EBI3: variants seen among roughly 807,000 people sequenced by gnomAD.
The protein encoded by EBI3 is Epstein-Barr virus induced 3, also known as interleukin-27 subunit beta.
In EBI3, 19 loss-of-function variants were observed where a neutral mutation model predicts 21.3. The observed-to-expected ratio is 0.89, with a 90% CI of 0.62 to 1.31. The LOEUF (loss-of-function observed/expected upper bound fraction) is 1.31, where lower values mean the gene tolerates loss of function less well. Ranked by LOEUF, EBI3 falls within the 50% of genes most tolerant of loss-of-function variation. The pLI is 0.00. For missense variants in EBI3, 331 were observed against 314.0 expected, an observed-to-expected ratio of 1.05 and a Z score of -0.41; for synonymous variants, 154 against 131.2, an observed-to-expected ratio of 1.17 and a Z score of -1.19.
chr19:4,233,432 CCTT>C, intron 3 of EBI3, 125 bp downstream of exon 3: 1 of 1,078,956 alleles, frequency 9.3e-7, no homozygotes, highest in Non-Finnish European at 1.3e-6. Context: ...AAATCTGACC[CCTT>C]CTTCCCCCTC....
rs536332715 is a variant in EBI3, at chr19:4,229,597, C to T, written c.47C>T (p.Pro16Leu). 1.1e-5 allele frequency: 17 copies of T among 1,609,732 alleles called. No homozygotes were observed. The highest frequency in any genetic ancestry group is 6.7e-5 in the East Asian group (3 of 44,790). Residue 16 changes from proline (P) to leucine (L), a missense_variant, in exon 1 of 5, where the codon CCG (proline) becomes CTG (leucine). By Grantham distance (98) the Pro-to-Leu change is moderately conservative (BLOSUM62 -3). Transcript: ENST00000221847. The stretch of plus-strand genomic sequence containing the variant: ...GCCCTTGTCCTCTGGGCCAGCTGCC[C>T]GCCCTGCAGTGGAAGGAAAGGTATG... ...LLALVLWASCPPCSGRKGPPA... is the reference protein window; with the variant it reads ...LLALVLWASCLPCSGRKGPPA...
chr19:4,236,380 G>C (rs1444322741), intron 4 of EBI3, among the ~76,000 whole-genome samples: 1 of 151,836 alleles, frequency 6.6e-6, no homozygotes, highest in Non-Finnish European at 1.5e-5. Flanking sequence ...AAATTAGCCA[G>C]GCATGGTGGC....
In EBI3 at chr19:4,234,779, G is replaced by C. The variant is rs1970821862; in HGVS notation, c.492G>C (p.Lys164Asn). The C allele has an allele frequency of 2.5e-6, 4 of 1,614,166 alleles. No homozygotes were observed. Among genetic ancestry groups the C allele is most frequent in the Non-Finnish European group, 3.4e-6 (4 of 1,180,026 alleles). The change falls in exon 4 of 5, where the codon AAG (lysine) becomes AAC (asparagine). Residue 164 changes from lysine (K) to asparagine (N), a missense_variant. Lys to Asn is a moderately conservative substitution (Grantham distance 94, BLOSUM62 0). Coordinates refer to ENST00000221847, the MANE Select transcript of EBI3 (RefSeq NM_005755.3). ...CCTTCCCAGAGATCTTCTCACTGAAGTACTGGATCCGTTACAAGCGTCAGG... is the reference window on the plus strand; with the variant it reads ...CCTTCCCAGAGATCTTCTCACTGAACTACTGGATCCGTTACAAGCGTCAGG... ...SWPFPEIFSL[K>N]YWIRYKRQGA... is the part of the protein sequence containing the mutation.
intron 1 of EBI3, 45 bp downstream of exon 1, chr19:4,229,662 A>G: frequency 6.4e-7 from 1 of 1,562,036 alleles, no homozygotes; most frequent in Admixed American, 1.9e-5. Context: ...GCAGACGGAC[A>G]TGACACGAGG....
chr19:4,232,731 T>C (rs1970797028), intron 2 of EBI3, among the ~76,000 whole-genome samples: 1 of 128,152 alleles, frequency 7.8e-6, no homozygotes. Flanking sequence ...CATGAATGAA[T>C]GAATGAATGA....
intron 4 of EBI3, among the ~76,000 whole-genome samples, chr19:4,235,965 A>C (rs1263201656): frequency 6.6e-6 from 1 of 151,954 alleles, no homozygotes; most frequent in Non-Finnish European, 1.5e-5. Flanking sequence ...AAGCACGGTT[A>C]GGCTAGGTGC....
At position 4,236,989 on chromosome 19, in the gene EBI3, C is replaced by T. The variant is rs767574010; in HGVS notation, c.591C>T (p.Ala197=). The change falls in exon 5 of 5, where the codon GCC becomes GCT. Residue 197 remains alanine, a synonymous_variant. Transcript: ENST00000221847. ...TCCTCAGGGCTGTGCGGCCCCGAGC[C>T]AGGTACTACGTCCAAGTGGCGGCTC... ...SFILRAVRPR[A]RYYVQVAAQD... The T allele has an allele frequency of 1.5e-5, 23 of 1,579,356 alleles. 1 individual carries two copies. The South Asian group carries it at 2.4e-4, about 16-fold the overall frequency.
chr19:4,235,395 C>T (rs1970829056), intron 4 of EBI3, among the ~76,000 whole-genome samples: 1 of 150,486 alleles, frequency 6.6e-6, no homozygotes, highest in South Asian at 2.1e-4. Context: ...TCTTGGCTCG[C>T]TGAAACCTCC....
Position 4,233,221 on chromosome 19 carries a change from C to T in EBI3, c.293C>T (p.Ser98Phe), listed in dbSNP as rs1245019910. ...ACCATCACGGATGTCCAGCTGTTCT[C>T]CATGGCTCCCTACGTGCTCAATGTC... ...SCTITDVQLF[S>F]MAPYVLNVTA... The change falls in exon 3 of 5, where the codon TCC becomes TTC. Residue 98 changes from serine to phenylalanine, a missense_variant. Transcript: ENST00000221847. 6.2e-7 allele frequency: 1 copy of T among 1,613,092 alleles called. No homozygotes were observed. The highest frequency in any genetic ancestry group is 1.3e-5 in the African/African-American group (1 of 74,912).
chr19:4,233,374 C>A (rs1027111344), intron 3 of EBI3, 67 bp downstream of exon 3: 8 of 1,492,742 alleles, frequency 5.4e-6, no homozygotes, highest in Non-Finnish European at 7.1e-6. Context: ...CCCACCCCAC[C>A]TCCCACCTGT....
intron 2 of EBI3, 72 bp downstream of exon 2, chr19:4,231,395 C>A (rs1312347458): frequency 6.8e-7 from 1 of 1,481,312 alleles, no homozygotes; most frequent in Non-Finnish European, 8.9e-7. Flanking sequence ...GCCCTGAGAG[C>A]CCTGGGGTCA....
intron 3 of EBI3, 39 bp downstream of exon 3, chr19:4,233,346 C>T (rs747778211): frequency 3.3e-6 from 5 of 1,534,572 alleles, no homozygotes; most frequent in Admixed American, 1.9e-5. Context: ...GCGGGGCTGC[C>T]GTCTCCTTCC....
intron 1 of EBI3, among the ~76,000 whole-genome samples, chr19:4,230,451 A>T (rs900785084): frequency 1.3e-5 from 2 of 152,100 alleles, no homozygotes; most frequent in African/African-American, 4.8e-5. Context: ...ACGTGCCTGT[A>T]GTCCCAGCTA....
intron 3 of EBI3, 110 bp from the exon 4 acceptor site, chr19:4,234,557 C>A (rs143251761): frequency 8.1e-6 from 12 of 1,484,850 alleles, no homozygotes; most frequent in Non-Finnish European, 1.1e-5. Flanking sequence ...AGTGAGACTC[C>A]GTTTCAAAAC....
Position 4,232,249 on chromosome 19 carries a change from AAGAAAAG to A in EBI3, c.201-878_201-872del, listed in dbSNP as rs1970791556. On this transcript the variant is annotated intron_variant, in intron 2 of 4. Transcript: ENST00000221847. ...AAAAAAAAAAAAAAAAAAAAAAGAA[AAGAAAAG>A]AAAAGAAAAGAAAAGAAAAAATTTC... 1.2e-3 allele frequency among the ~76,000 whole-genome samples: 139 copies of A among 117,534 alleles called. 1 individual carries two copies. The highest frequency in any genetic ancestry group is 5.2e-3 in the African/African-American group (131 of 25,240). The allele number at this position is 117,534 out of a possible 152,430, so 77.1% of individuals were successfully genotyped here. A position where few individuals can be genotyped will look rare whatever the true frequency, so the allele number is the denominator to read the frequency against.
At position 4,229,526 on chromosome 19, in the gene EBI3, C is replaced by A; in HGVS notation, c.-25C>A. On this transcript the variant is annotated 5_prime_UTR_variant, in exon 1 of 5. Transcript: ENST00000221847. Reference sequence around the variant, plus strand: ...GTCTCCCACGACGTTCCCACCCACTCCTGAGAGCAGAGCTGGCCGCAGCCA... The same window carrying A: ...GTCTCCCACGACGTTCCCACCCACTACTGAGAGCAGAGCTGGCCGCAGCCA... The A allele has an allele frequency of 6.2e-7, 1 of 1,600,008 alleles. No homozygotes were observed. The highest frequency in any genetic ancestry group is 8.5e-7 in the Non-Finnish European group (1 of 1,173,390).
intron 2 of EBI3, among the ~76,000 whole-genome samples, chr19:4,232,222 C>CAAAAA (rs71166979): frequency 2.0e-3 from 117 of 57,784 alleles, no homozygotes; most frequent in African/African-American, 6.1e-3. Context: ...GACCCCGTCT[C>CAAAAA]AAAAAAAAAA....
At chr19:4,229,785 G>A (rs1235844051) in intron 1 of EBI3, among the ~76,000 whole-genome samples, 168 bp downstream of exon 1, 2 of 152,232 alleles carry the variant, frequency 1.3e-5, no homozygotes, top group Non-Finnish European at 2.9e-5. Context: ...GAGAGGCAGA[G>A]TGCCACATTG....
At position 4,231,314 on chromosome 19, in the gene EBI3, C is replaced by A; in HGVS notation, c.191C>A (p.Ala64Asp). ...TCCACCAGCCCCGTGTCCTTCATTG[C>A]CACGTACAGGTCGGAGAGCCTGGAA... ...PNSTSPVSFIATYRLGMAARG... is the reference protein window; with the variant it reads ...PNSTSPVSFIDTYRLGMAARG... The change falls in exon 2 of 5, where the codon GCC becomes GAC. Residue 64 changes from alanine (A) to aspartate (D), a missense_variant. Coordinates refer to ENST00000221847, the MANE Select transcript of EBI3 (RefSeq NM_005755.3). 4 of 1,610,148 alleles carry A rather than the reference C, an allele frequency of 2.5e-6. No homozygotes were observed. The highest frequency in any genetic ancestry group is 3.4e-6 in the Non-Finnish European group (4 of 1,178,800).
Sources: allele counts gnomAD v4.1 joint callset (sites outside exome capture counted in the v4.1 genomes callset), GRCh38; gene constraint gnomAD v4.1.1; transcripts MANE v1.5; gene names NCBI Gene and HGNC (gene_info 2026-07-23, HGNC 2026-07-21).